ZEB1: variants seen among roughly 807,000 people sequenced by gnomAD.
ZEB1 encodes zinc finger E-box binding homeobox 1.
Under a neutral mutation model 84.9 loss-of-function variants are expected in ZEB1, and 21 were observed. The ratio of observed to expected loss-of-function variants is 0.25; its 90% CI spans 0.18 to 0.36. The LOEUF is 0.36. Among genes scored for constraint, ZEB1 ranks in the 10% least tolerant of loss-of-function variants. ZEB1 has a pLI of 1.00. For missense variants in ZEB1, 1,104 were observed against 1,330.2 expected, an observed-to-expected ratio of 0.83 and a Z score of 2.65; for synonymous variants, 420 against 471.1, an observed-to-expected ratio of 0.89 and a Z score of 1.41.
intron 6 of ZEB1, 80 bp downstream of exon 6, chr10:31,514,788 G>A (rs755384430): frequency 1.7e-4 from 195 of 1,155,432 alleles, no homozygotes; most frequent in Middle Eastern, 2.8e-4. Flanking sequence ...TGTAATCTAC[G>A]TACATGATCA....
At chr10:31,455,523 G>A (rs1332910445) in intron 1 of ZEB1, among the ~76,000 whole-genome samples, 1 of 151,858 alleles carries the variant, frequency 6.6e-6, no homozygotes, top group African/African-American at 2.4e-5. Flanking sequence ...TCTGACAAAG[G>A]GCTAATATCC....
chr10:31,458,949 A>T (rs1282934226), intron 1 of ZEB1, among the ~76,000 whole-genome samples: 2 of 152,100 alleles, frequency 1.3e-5, no homozygotes, highest in Admixed American at 1.3e-4. Flanking sequence ...TCGTAAGTTG[A>T]AAATACTGTG....
At chr10:31,424,291 A>G (rs138155889) in intron 1 of ZEB1, among the ~76,000 whole-genome samples, 11 of 152,094 alleles carry the variant, frequency 7.2e-5, no homozygotes, top group Admixed American at 6.6e-4. Flanking sequence ...ACATTGTTCC[A>G]GCTAGATCAA....
rs555053154 is a variant in ZEB1 at position 31,348,757 on chromosome 10, A to G, written c.58+29465A>G. Among the ~76,000 whole-genome samples, 16 of 152,264 alleles carry G rather than the reference A, an allele frequency of 1.1e-4. No individual in the cohort carries two copies. In the South Asian group the frequency reaches 1.2e-3, roughly 12 times the overall value. On this transcript the variant is annotated intron_variant, in intron 1 of 8. Transcript: ENST00000424869. Reference sequence around the variant, plus strand: ...ACAGAATGACTCAAGCCAAAAAAAAAGTATGTTATTCATTCATTTACACAA... The same window carrying G: ...ACAGAATGACTCAAGCCAAAAAAAAGGTATGTTATTCATTCATTTACACAA...
chr10:31,351,134 G>A (rs757364877), intron 1 of ZEB1, among the ~76,000 whole-genome samples: 2 of 152,120 alleles, frequency 1.3e-5, no homozygotes, highest in Non-Finnish European at 1.5e-5. Flanking sequence ...CTGAGTATCT[G>A]GAGTCATGGA....
chr10:31,387,302 C>T (rs1287174325), intron 1 of ZEB1: 2 of 985,520 alleles, frequency 2.0e-6, no homozygotes, highest in Admixed American at 1.2e-4. Flanking sequence ...CTCGTGGGCC[C>T]AGGCTCCTAA....
intron 1 of ZEB1, among the ~76,000 whole-genome samples, chr10:31,331,231 C>T (rs367856201): frequency 3.6e-4 from 54 of 151,312 alleles, no homozygotes; most frequent in African/African-American, 1.2e-3. Flanking sequence ...GGATTACAGG[C>T]GCGTGCCACC....
At chr10:31,399,056 A>T (rs1226564072) in intron 1 of ZEB1, among the ~76,000 whole-genome samples, 5 of 147,064 alleles carry the variant, frequency 3.4e-5, no homozygotes, top group African/African-American at 1.3e-4. Flanking sequence ...GTGCAATGGC[A>T]TGATCTCAGC....
chr10:31,453,463 A>G (rs1327447295), intron 1 of ZEB1, among the ~76,000 whole-genome samples: 1 of 152,188 alleles, frequency 6.6e-6, no homozygotes. Flanking sequence ...TTGAGAATGT[A>G]TTGGTTTTGG....
intron 6 of ZEB1, among the ~76,000 whole-genome samples, chr10:31,519,781 G>A (rs995764763): frequency 3.9e-5 from 6 of 152,008 alleles, no homozygotes; most frequent in African/African-American, 9.7e-5. Context: ...TATATAGGTC[G>A]GTGAAATGGG....
At chr10:31,362,506 C>T (rs898334290) in intron 1 of ZEB1, among the ~76,000 whole-genome samples, 1 of 150,680 alleles carries the variant, frequency 6.6e-6, no homozygotes, top group Non-Finnish European at 1.5e-5. Flanking sequence ...CGGAGGCACT[C>T]CTCACTGCCC....
intron 2 of ZEB1, among the ~76,000 whole-genome samples, chr10:31,468,428 A>T (rs2062715453): frequency 6.6e-6 from 1 of 152,128 alleles, no homozygotes; most frequent in Non-Finnish European, 1.5e-5. Context: ...ATTGCACAGC[A>T]CTCAGACAGC....
intron 1 of ZEB1, among the ~76,000 whole-genome samples, chr10:31,453,705 CAGA>C (rs1377814480): frequency 6.6e-6 from 1 of 151,916 alleles, no homozygotes; most frequent in Non-Finnish European, 1.5e-5. Flanking sequence ...AGTCTAAACC[CAGA>C]AGAAGTCGAA....
chr10:31,521,652 G>C lies in ZEB1; in HGVS notation c.2320G>C (p.Ala774Pro). The stretch of plus-strand genomic sequence containing the variant: ...GGAAGAACCCTTGAACTTGTCTTGC[G>C]CAAAAAAGGAGCCACAAAAGGACAG... ...VQEEPLNLSC[A>P]KKEPQKDSCV... Residue 774 changes from alanine (A) to proline (P), a missense_variant, in exon 7 of 9, where the codon GCA becomes CCA. Ala to Pro is a conservative substitution (Grantham distance 27, BLOSUM62 -1). Coordinates refer to ENST00000424869, the MANE Select transcript of ZEB1 (RefSeq NM_001174096.2). The C allele has an allele frequency of 6.2e-7, 1 of 1,613,962 alleles. No homozygotes were observed. Among genetic ancestry groups the C allele is most frequent in the Non-Finnish European group, 8.5e-7 (1 of 1,179,970 alleles).
chr10:31,399,139 C>T (rs1200597960), intron 1 of ZEB1, among the ~76,000 whole-genome samples: 4 of 151,946 alleles, frequency 2.6e-5, no homozygotes, highest in South Asian at 4.2e-4. Context: ...GGATTACAGG[C>T]GTGTGCCAGC....
chr10:31,450,425 T>C (rs1333951135), intron 1 of ZEB1, among the ~76,000 whole-genome samples: 1 of 152,132 alleles, frequency 6.6e-6, no homozygotes, highest in African/African-American at 2.4e-5. Context: ...TTTTTTTCTT[T>C]TAAATTTGTA....
chr10:31,340,706 T>G (rs1045171099), intron 1 of ZEB1, among the ~76,000 whole-genome samples: 1 of 152,088 alleles, frequency 6.6e-6, no homozygotes, highest in Non-Finnish European at 1.5e-5. Flanking sequence ...GACACTTGTA[T>G]AAAGCATGGT....
rs1385753633 is a variant in ZEB1, at chr10:31,523,922, TC to T, written c.2605-10del. On this transcript the variant is annotated splice_polypyrimidine_tract_variant and intron_variant, in intron 7 of 8. Coordinates refer to ENST00000424869, the MANE Select transcript of ZEB1 (RefSeq NM_001174096.2). ...GTTAAATTACATTTTCTCACACCTT[TC>T]TCCCTCTAGGATGAAAGACAAGATA... 3 of 1,613,316 alleles carry T rather than the reference TC, an allele frequency of 1.9e-6. No homozygotes were observed. The East Asian group carries it at 6.7e-5, about 36-fold the overall frequency.
intron 1 of ZEB1, among the ~76,000 whole-genome samples, chr10:31,401,378 A>G (rs2051963693): frequency 6.6e-6 from 1 of 152,202 alleles, no homozygotes; most frequent in Admixed American, 6.5e-5. Context: ...GTGATCTCCA[A>G]GTTAATGTGA....
Sources: gnomAD v4.1 joint callset for allele counts (sites outside exome capture counted in the v4.1 genomes callset) on GRCh38, gnomAD v4.1.1 for gene constraint, MANE v1.5 for transcripts, NCBI Gene and HGNC (gene_info 2026-07-23, HGNC 2026-07-21) for gene names.